Variants in OLFM3 observed in about 807,000 individuals in gnomAD.
OLFM3 encodes the protein noelin-3.
A neutral mutation model predicts 48.6 loss-of-function variants in OLFM3; 20 were observed. That is an observed-to-expected ratio of 0.41 (90% CI 0.29 to 0.60). The LOEUF (loss-of-function observed/expected upper bound fraction) is 0.60, where lower values mean the gene tolerates loss of function less well. OLFM3 is among the 20% of genes least tolerant of loss of function. The pLI is 0.28. For missense variants in OLFM3, 437 were observed against 544.3 expected (o/e 0.80, Z 1.96); for synonymous variants, 222 against 198.1 (o/e 1.12, Z -1.01).
chr1:101,983,960 A>G lies in OLFM3; in HGVS notation c.69+12788T>C, dbSNP rs369055497. 4.9e-4 allele frequency among the ~76,000 whole-genome samples: 74 copies of G among 152,330 alleles called. 1 individual carries two copies. In the South Asian group the frequency reaches 0.015, roughly 32 times the overall value. ...AAAATTGAATCATAGTCATCATTGT[A>G]TTGAATCACGGGTAGCCTGCGGCTC... is the stretch of plus-strand genomic sequence containing the variant. On this transcript the variant is annotated intron_variant, in intron 1 of 5. Transcript: ENST00000370103.
chr1:101,975,142 A>G (rs528949991), intron 1 of OLFM3, among the ~76,000 whole-genome samples: 1 of 152,318 alleles, frequency 6.6e-6, no homozygotes, highest in South Asian at 2.1e-4. Context: ...ATTATCTGAA[A>G]TTAACTCTAT....
chr1:101,972,143 T>G (rs1049835271), intron 1 of OLFM3, among the ~76,000 whole-genome samples: 1 of 152,204 alleles, frequency 6.6e-6, no homozygotes, highest in East Asian at 1.9e-4. Context: ...TGTTTGATTT[T>G]ACTGCTTTCA....
At position 101,830,722 on chromosome 1, in the gene OLFM3, A is replaced by C; in HGVS notation, c.322T>G (p.Phe108Val). 1 of 1,614,180 alleles carries C rather than the reference A, an allele frequency of 6.2e-7. No individual in the cohort carries two copies. Among genetic ancestry groups the C allele is most frequent in the South Asian group, 1.1e-5 (1 of 91,078 alleles). Residue 108 changes from phenylalanine to valine, a missense_variant, in exon 3 of 6, where the codon TTT (phenylalanine) becomes GTT (valine). Coordinates refer to ENST00000370103, the MANE Select transcript of OLFM3 (RefSeq NM_058170.4). Reference sequence around the variant, plus strand: ...TTTCGATCATCTTCAATCTGCCGAAATTTTGCCTTCAGCCCTTTCATTTGG... The same window carrying C: ...TTTCGATCATCTTCAATCTGCCGAACTTTTGCCTTCAGCCCTTTCATTTGG... ...ETQMKGLKAK[F>V]RQIEDDRKTL...
intron 1 of OLFM3, among the ~76,000 whole-genome samples, chr1:101,857,957 C>A (rs1477367957): frequency 3.3e-5 from 5 of 152,120 alleles, no homozygotes; most frequent in African/African-American, 1.2e-4. Context: ...AACAAAACAA[C>A]TTTTTTCTTA....
chr1:101,937,478 C>T (rs1050583249), intron 1 of OLFM3, among the ~76,000 whole-genome samples: 1 of 152,094 alleles, frequency 6.6e-6, no homozygotes, highest in South Asian at 2.1e-4. Context: ...TGAATCATGG[C>T]GGCCGGTCTT....
intron 1 of OLFM3, among the ~76,000 whole-genome samples, chr1:101,975,751 G>A (rs1660936402): frequency 6.6e-6 from 1 of 152,126 alleles, no homozygotes; most frequent in Non-Finnish European, 1.5e-5. Context: ...GCAGAAGTAA[G>A]GGGAAGGTAG....
chr1:101,985,783 T>A (rs910165438), intron 1 of OLFM3, among the ~76,000 whole-genome samples: 5 of 152,170 alleles, frequency 3.3e-5, no homozygotes, highest in Non-Finnish European at 7.4e-5. Context: ...TAAGCTTATA[T>A]ATTTTTGTAC....
intron 1 of OLFM3, among the ~76,000 whole-genome samples, chr1:101,969,329 T>TG (rs397770331): frequency 7.4e-5 from 11 of 149,406 alleles, no homozygotes; most frequent in African/African-American, 2.7e-4. Context: ...TTTTTTTTTT[T>TG]GGTATTTTTG....
intron 1 of OLFM3, among the ~76,000 whole-genome samples, chr1:101,945,876 A>G (rs5007370): frequency 0.4 from 60,084 of 151,682 alleles, 12,122 homozygotes; most frequent in East Asian, 0.51. Context: ...AATTTTTTTA[A>G]AAAGAGCATA....
chr1:101,923,527 G>A (rs981052793), intron 1 of OLFM3, among the ~76,000 whole-genome samples: 2 of 152,032 alleles, frequency 1.3e-5, no homozygotes, highest in Admixed American at 1.3e-4. Context: ...ATTAAAGCAC[G>A]GGTAAAATCT....
intron 1 of OLFM3, among the ~76,000 whole-genome samples, chr1:101,933,527 CT>C (rs1274050236): frequency 6.6e-6 from 1 of 152,006 alleles, no homozygotes; most frequent in Non-Finnish European, 1.5e-5. Context: ...AAGCAAGCAA[CT>C]TAGAAAGCAT....
At chr1:101,917,692 T>C (rs1297771855) in intron 1 of OLFM3, among the ~76,000 whole-genome samples, 1 of 152,196 alleles carries the variant, frequency 6.6e-6, no homozygotes, top group Non-Finnish European at 1.5e-5. Flanking sequence ...GCTGGGATTA[T>C]GGGCATGAGC....
At chr1:101,810,153 T>G (rs989658966) in intron 4 of OLFM3, among the ~76,000 whole-genome samples, 17 of 151,990 alleles carry the variant, frequency 1.1e-4, no homozygotes, top group African/African-American at 4.1e-4. Flanking sequence ...TGTTGAAAAA[T>G]AATGAAGATT....
intron 1 of OLFM3, among the ~76,000 whole-genome samples, chr1:101,873,794 T>C (rs565266906): frequency 6.6e-5 from 10 of 151,926 alleles, no homozygotes; most frequent in Admixed American, 3.9e-4. Context: ...ATGAAGAAAA[T>C]AATGGTACTC....
chr1:101,891,839 A>G (rs1658010927), intron 1 of OLFM3, among the ~76,000 whole-genome samples: 1 of 152,012 alleles, frequency 6.6e-6, no homozygotes, highest in Non-Finnish European at 1.5e-5. Flanking sequence ...CATAAAATGT[A>G]GTTATATTTC....
chr1:101,833,816 G>GGACTT (rs752386084), intron 2 of OLFM3, among the ~76,000 whole-genome samples: 1 of 152,000 alleles, frequency 6.6e-6, no homozygotes, highest in Non-Finnish European at 1.5e-5. Flanking sequence ...CTTGACTGTA[G>GGACTT]GACTTAACAA....
At chr1:101,900,429 C>G (rs1658352450) in intron 1 of OLFM3, among the ~76,000 whole-genome samples, 1 of 152,038 alleles carries the variant, frequency 6.6e-6, no homozygotes. Context: ...GGGAAGGCTT[C>G]CCTGAAGCAA....
intron 3 of OLFM3, among the ~76,000 whole-genome samples, chr1:101,827,394 A>G (rs1654913309): frequency 6.6e-6 from 1 of 151,678 alleles, no homozygotes; most frequent in Non-Finnish European, 1.5e-5. Context: ...ATCTCGGCTC[A>G]CTGCAAACTC....
At chr1:101,911,665 G>A (rs951679060) in intron 1 of OLFM3, among the ~76,000 whole-genome samples, 6 of 152,156 alleles carry the variant, frequency 3.9e-5, no homozygotes, top group African/African-American at 1.4e-4. Flanking sequence ...TACAGTTAAT[G>A]TTTTAAGGGG....
Sources: allele counts gnomAD v4.1 joint callset (sites outside exome capture counted in the v4.1 genomes callset), GRCh38; gene constraint gnomAD v4.1.1; transcripts MANE v1.5; gene names NCBI Gene and HGNC (gene_info 2026-07-23, HGNC 2026-07-21).